ZNF560: variants seen among roughly 807,000 people sequenced by gnomAD.
ZNF560 encodes zinc finger protein 560.
In ZNF560, 54 loss-of-function variants were observed where a neutral mutation model predicts 81.8. That is an observed-to-expected ratio of 0.66 (90% CI 0.53 to 0.83). ZNF560 has a LOEUF of 0.83. Among genes scored for constraint, ZNF560 ranks in the 40% least tolerant of loss-of-function variants. The pLI is 0.00. For missense variants in ZNF560, 940 were observed against 932.4 expected (o/e 1.01, Z -0.11); for synonymous variants, 321 against 317.9 (o/e 1.01, Z -0.10).
chr19:9,461,915 T>A (rs2072937975), downstream of ZNF560, among the ~76,000 whole-genome samples: 4 of 151,954 alleles, frequency 2.6e-5, no homozygotes, highest in South Asian at 8.3e-4. Flanking sequence ...CTTGAAGGAG[T>A]TGCAGATGGA....
intron 6 of ZNF560, 77 bp from the exon 7 acceptor site, chr19:9,470,595 C>A: frequency 1.2e-6 from 2 of 1,607,512 alleles, no homozygotes; most frequent in Non-Finnish European, 1.7e-6. Context: ...GGAAGGGGGA[C>A]CCAATCCCTG....
chr19:9,492,423 CAG>C (rs958223905), intron 2 of ZNF560, among the ~76,000 whole-genome samples: 7 of 152,152 alleles, frequency 4.6e-5, no homozygotes, highest in African/African-American at 1.7e-4. Flanking sequence ...CAGATTTGTA[CAG>C]AGGAGAGGCA....
In ZNF560 at chr19:9,468,087, G is replaced by A. The variant is rs760516746; in HGVS notation, c.860C>T (p.Thr287Ile). The change falls in exon 10 of 10, where the codon ACA becomes ATA. Residue 287 changes from threonine to isoleucine, a missense_variant. Physicochemically the swap from Thr to Ile is moderately conservative, Grantham distance 89 (BLOSUM62 -1). Transcript: ENST00000301480. ...AGTGCCTTCAAAGGATTTATCTTGTGTACACTTTCTCTGGACCTGAACATT... is the reference window on the plus strand; with the variant it reads ...AGTGCCTTCAAAGGATTTATCTTGTATACACTTTCTCTGGACCTGAACATT... The part of the protein sequence containing the change: ...ILNVQVQRKC[T>I]QDKSFEGTDY... 1 of 1,614,042 alleles carries A rather than the reference G, an allele frequency of 6.2e-7. No individual in the cohort carries two copies. Among genetic ancestry groups the A allele is most frequent in the African/African-American group, 1.3e-5 (1 of 74,918 alleles).
At position 9,489,111 on chromosome 19, in the gene ZNF560, T is replaced by C. The variant is rs1041371700; in HGVS notation, c.-57+9017A>G. On this transcript the variant is annotated intron_variant, in intron 2 of 9. Coordinates refer to ENST00000301480, the MANE Select transcript of ZNF560 (RefSeq NM_152476.3). The stretch of plus-strand genomic sequence containing the variant: ...TTTTTATTCTGCAATTTAAAACTTT[T>C]AATTAAAAAATAAACTTTAATGTTG... Among the ~76,000 whole-genome samples the C allele has an allele frequency of 2.0e-5, 3 of 152,256 alleles. No individual in the cohort carries two copies. In the South Asian group the frequency reaches 6.2e-4, roughly 31 times the overall value.
chr19:9,490,478 C>T (rs990597461), intron 2 of ZNF560, among the ~76,000 whole-genome samples: 16 of 152,148 alleles, frequency 1.1e-4, no homozygotes, highest in Admixed American at 8.5e-4. Flanking sequence ...CACATTTCGT[C>T]ACTAGCATGA....
intron 2 of ZNF560, among the ~76,000 whole-genome samples, chr19:9,487,693 A>G (rs188266734): frequency 3.3e-5 from 5 of 152,244 alleles, no homozygotes; most frequent in Admixed American, 3.3e-4. Flanking sequence ...AAGGCATTAG[A>G]TTTCATTGGT....
upstream of ZNF560, among the ~76,000 whole-genome samples, chr19:9,502,244 G>A (rs757796741): frequency 1.2e-4 from 19 of 152,126 alleles, no homozygotes; most frequent in East Asian, 1.7e-3. Flanking sequence ...ACAGAGTCTC[G>A]CTCTGTTGCC....
the ZNF560 span, among the ~76,000 whole-genome samples, chr19:9,446,365 T>TACACACACACACACACAC: frequency 1.4e-3 from 208 of 145,244 alleles, 2 homozygotes; most frequent in African/African-American, 5.0e-3. Context: ...TGCCAAGTCA[T>TACACACACACACACACAC]ACACACACAC....
chr19:9,493,284 A>G (rs2073501148), intron 2 of ZNF560, among the ~76,000 whole-genome samples: 7 of 152,244 alleles, frequency 4.6e-5, no homozygotes, highest in Admixed American at 4.6e-4. Flanking sequence ...AAAAATGTTC[A>G]TCGAAAAAGT....
downstream of ZNF560, among the ~76,000 whole-genome samples, chr19:9,463,138 G>C (rs968937870): frequency 1.3e-5 from 2 of 152,148 alleles, no homozygotes; most frequent in Non-Finnish European, 2.9e-5. Flanking sequence ...CAGATAATAT[G>C]AAATGTGGAA....
the ZNF560 span, among the ~76,000 whole-genome samples, chr19:9,449,838 CTG>C: frequency 1.3e-5 from 2 of 152,000 alleles, no homozygotes; most frequent in African/African-American, 2.4e-5. Flanking sequence ...GTGTGCCAGT[CTG>C]TGCCTGTAAT....
At chr19:9,457,272 TCTC>T in the ZNF560 span, among the ~76,000 whole-genome samples, 6 of 152,218 alleles carry the variant, frequency 3.9e-5, no homozygotes, top group Admixed American at 3.3e-4. Flanking sequence ...AGGACTGCCT[TCTC>T]CTGCTATGAT....
chr19:9,484,194 CT>C (rs1364356158), intron 2 of ZNF560, among the ~76,000 whole-genome samples: 1 of 151,944 alleles, frequency 6.6e-6, no homozygotes, highest in East Asian at 1.9e-4. Flanking sequence ...AACCAGAGAC[CT>C]TTGTTCACTT....
intron 3 of ZNF560, 49 bp downstream of exon 3, chr19:9,475,233 ACC>A: frequency 1.1e-5 from 17 of 1,595,964 alleles, no homozygotes; most frequent in Non-Finnish European, 1.5e-5. Context: ...AAATGTGTTT[ACC>A]TGGTGATGCA....
chr19:9,505,278 T>A, the ZNF560 span, among the ~76,000 whole-genome samples: 1 of 152,344 alleles, frequency 6.6e-6, no homozygotes, highest in East Asian at 1.9e-4. Context: ...CCATCCTTTG[T>A]ATATTATAAA....
chr19:9,506,046 G>A, the ZNF560 span, among the ~76,000 whole-genome samples: 1 of 151,980 alleles, frequency 6.6e-6, no homozygotes, highest in Admixed American at 6.6e-5. Context: ...AGGCTGGAGT[G>A]CAGTGGTGTG....
At chr19:9,463,989 G>A (rs2072976098), downstream of ZNF560, among the ~76,000 whole-genome samples, 1 of 152,174 alleles carries the variant, frequency 6.6e-6, no homozygotes, top group Admixed American at 6.5e-5. Context: ...AGCTGATTCA[G>A]GATTGGTAAA....
chr19:9,478,111 T>C (rs767776437), intron 2 of ZNF560, among the ~76,000 whole-genome samples: 10 of 151,758 alleles, frequency 6.6e-5, no homozygotes, highest in Non-Finnish European at 1.2e-4. Flanking sequence ...CAGTCAAAAA[T>C]GAAAAGCAAA....
the ZNF560 span, among the ~76,000 whole-genome samples, chr19:9,451,930 G>A: frequency 6.6e-6 from 1 of 152,092 alleles, no homozygotes; most frequent in Admixed American, 6.6e-5. Context: ...ACAAAAATTA[G>A]CTGGGCATGG....
Sources: allele counts gnomAD v4.1 joint callset (sites outside exome capture counted in the v4.1 genomes callset), GRCh38; gene constraint gnomAD v4.1.1; transcripts MANE v1.5; gene names NCBI Gene and HGNC (gene_info 2026-07-23, HGNC 2026-07-21).